The following AOAH variants were observed in gnomAD, a reference collection of about 807,000 sequenced individuals.
AOAH encodes the protein acyloxyacyl hydrolase (neutrophil).
In AOAH, 64 loss-of-function variants were observed where a neutral mutation model predicts 92.2. That is an observed-to-expected ratio of 0.69 (90% CI 0.57 to 0.86). The LOEUF is 0.86. AOAH is among the 40% of genes least tolerant of loss of function. The probability of loss-of-function intolerance (pLI) is 0.00; values close to 1 mark genes in which losing one functional copy is unlikely to be tolerated. For missense variants in AOAH, 656 were observed against 694.6 expected, an observed-to-expected ratio of 0.94 and a Z score of 0.62; for synonymous variants, 263 against 254.5, an observed-to-expected ratio of 1.03 and a Z score of -0.32.
chr7:36,573,116 G>GA (rs1453653191), intron 13 of AOAH, among the ~76,000 whole-genome samples: 3 of 152,208 alleles, frequency 2.0e-5, no homozygotes, highest in Non-Finnish European at 4.4e-5. Context: ...ATACCCCAAG[G>GA]AAAAGAGACA....
chr7:36,569,680 A>G (rs529582968), intron 13 of AOAH, among the ~76,000 whole-genome samples: 1 of 151,948 alleles, frequency 6.6e-6, no homozygotes, highest in Admixed American at 6.6e-5. Context: ...GCATAATCTC[A>G]GCTCACTGCA....
At chr7:36,559,399 G>A (rs538603199) in intron 13 of AOAH, among the ~76,000 whole-genome samples, 3 of 152,236 alleles carry the variant, frequency 2.0e-5, no homozygotes, top group African/African-American at 7.2e-5. Flanking sequence ...CTGCAGCCAT[G>A]TCAGCATCTG....
chr7:36,581,028 C>T (rs1240804614), intron 12 of AOAH, among the ~76,000 whole-genome samples: 3 of 152,130 alleles, frequency 2.0e-5, no homozygotes, highest in Non-Finnish European at 4.4e-5. Context: ...GAATAAAGCT[C>T]TAGTCTTATT....
intron 4 of AOAH, among the ~76,000 whole-genome samples, chr7:36,648,323 C>T (rs1794359209): frequency 6.6e-6 from 1 of 152,128 alleles, no homozygotes; most frequent in Non-Finnish European, 1.5e-5. Context: ...TAATTTTTCA[C>T]TTTTTAAATT....
chr7:36,632,769 G>A (rs1446538525), intron 5 of AOAH, among the ~76,000 whole-genome samples: 1 of 152,232 alleles, frequency 6.6e-6, no homozygotes, highest in Non-Finnish European at 1.5e-5. Flanking sequence ...AAGGGAGAGA[G>A]ACACTGGATT....
chr7:36,634,442 C>T (rs1282082724), intron 5 of AOAH, among the ~76,000 whole-genome samples: 1 of 152,178 alleles, frequency 6.6e-6, no homozygotes, highest in Admixed American at 6.5e-5. Flanking sequence ...CACGTACCCC[C>T]TGCTTGCTCA....
At chr7:36,583,047 G>A (rs11767727) in intron 12 of AOAH, among the ~76,000 whole-genome samples, 13,476 of 152,102 alleles carry the variant, frequency 0.089, 657 homozygotes, top group East Asian at 0.13. Context: ...GTTTCACCAT[G>A]TTGGTCAGGC....
In AOAH at chr7:36,620,896, C is replaced by CATGA. The variant is rs10522114; in HGVS notation, c.654-71_654-68dup. ...TCTCTCAGTGGATGTCAGTTTCATG[C>CATGA]ATGAATGAATGAATGAATGAATGAA... On this transcript the variant is annotated intron_variant, in intron 8 of 20. Transcript: ENST00000617537. 2.0e-3 allele frequency: 2,698 copies of CATGA among 1,331,310 alleles called. 23 individuals are homozygous for CATGA. In the African/African-American group the frequency reaches 0.026, roughly 13 times the overall value. The allele number at this position is 1,331,310 out of a possible 1,614,324, so 82.5% of individuals were successfully genotyped here.
chr7:36,577,580 C>T (rs1051003404), intron 12 of AOAH, among the ~76,000 whole-genome samples: 10 of 152,112 alleles, frequency 6.6e-5, no homozygotes, highest in Admixed American at 5.9e-4. Flanking sequence ...AAATTTGACA[C>T]CAGTATCAGG....
intron 4 of AOAH, among the ~76,000 whole-genome samples, chr7:36,651,143 C>A (rs560343120): frequency 1.1e-4 from 17 of 152,322 alleles, no homozygotes; most frequent in African/African-American, 4.1e-4. Flanking sequence ...GGTTTCTGTT[C>A]CTCCTTGCAC....
At chr7:36,513,911 A>G (rs1003338753) in intron 20 of AOAH, among the ~76,000 whole-genome samples, 7 of 152,256 alleles carry the variant, frequency 4.6e-5, no homozygotes, top group African/African-American at 1.7e-4. Flanking sequence ...TATTGTGTTA[A>G]GCTGCTAAGT....
chr7:36,688,782 T>A (rs1797197578), intron 1 of AOAH, among the ~76,000 whole-genome samples: 1 of 151,936 alleles, frequency 6.6e-6, no homozygotes, highest in Non-Finnish European at 1.5e-5. Flanking sequence ...GGCAAGAGAC[T>A]TTGAGTATAT....
chr7:36,703,184 GAA>G (rs996466292), intron 1 of AOAH, among the ~76,000 whole-genome samples: 2 of 152,000 alleles, frequency 1.3e-5, no homozygotes, highest in African/African-American at 4.8e-5. Flanking sequence ...TTTCACCACT[GAA>G]GTCTTAAACC....
At chr7:36,680,489 C>T (rs1296022747) in intron 2 of AOAH, among the ~76,000 whole-genome samples, 1 of 152,142 alleles carries the variant, frequency 6.6e-6, no homozygotes, top group African/African-American at 2.4e-5. Flanking sequence ...ATCCTTCTGT[C>T]CCCCATTCAC....
At chr7:36,562,040 T>C (rs2116483201) in intron 13 of AOAH, among the ~76,000 whole-genome samples, 1 of 152,358 alleles carries the variant, frequency 6.6e-6, no homozygotes, top group African/African-American at 2.4e-5. Flanking sequence ...GTGTCCATAC[T>C]ATGAGCCTAG....
chr7:36,566,094 CT>C lies in AOAH; in HGVS notation c.1021+10479del, dbSNP rs35521941. ...CCTTGACGCTTTTAAGTAATACTGGCTTTTTTTTTTTTTTTTGGTAAAATGT... is the reference window on the plus strand; with the variant it reads ...CCTTGACGCTTTTAAGTAATACTGGCTTTTTTTTTTTTTTTGGTAAAATGT... On this transcript the variant is annotated intron_variant, in intron 13 of 20. Transcript: ENST00000617537. Among the ~76,000 whole-genome samples, 602 of 119,854 alleles carry C rather than the reference CT, an allele frequency of 5.0e-3. 1 individual carries two copies. The highest frequency in any genetic ancestry group is 0.014 in the Middle Eastern group (3 of 218). 78.6% of individuals were successfully genotyped at this position (119,854 alleles called of 152,430 possible). A position where few individuals can be genotyped will look rare whatever the true frequency, so the allele number is the denominator to read the frequency against.
intron 12 of AOAH, among the ~76,000 whole-genome samples, chr7:36,592,219 TTTTTTTA>T (rs1583891600): frequency 6.6e-6 from 1 of 152,262 alleles, no homozygotes; most frequent in East Asian, 1.9e-4. Flanking sequence ...AACATATATA[TTTTTTTA>T]TTTTCTGATG....
intron 1 of AOAH, among the ~76,000 whole-genome samples, chr7:36,694,860 A>AGTG (rs1797617232): frequency 6.6e-6 from 1 of 152,180 alleles, no homozygotes; most frequent in African/African-American, 2.4e-5. Context: ...GTGGATGGAT[A>AGTG]GATTGATGGA....
intron 11 of AOAH, among the ~76,000 whole-genome samples, chr7:36,607,883 T>C (rs1054657004): frequency 3.3e-5 from 5 of 152,218 alleles, no homozygotes; most frequent in African/African-American, 9.7e-5. Context: ...ATGAGGGCTG[T>C]TGTGGGGCTC....
Sources: gnomAD v4.1 joint callset for allele counts (sites outside exome capture counted in the v4.1 genomes callset) on GRCh38, gnomAD v4.1.1 for gene constraint, MANE v1.5 for transcripts, NCBI Gene and HGNC (gene_info 2026-07-23, HGNC 2026-07-21) for gene names.